Variants in IL23R observed in about 807,000 individuals in gnomAD.
IL23R encodes the protein interleukin 23 receptor.
A neutral mutation model predicts 56.9 loss-of-function variants in IL23R; 34 were observed. The ratio of observed to expected loss-of-function variants is 0.60; its 90% confidence interval spans 0.45 to 0.80. The LOEUF is 0.80. IL23R is among the 30% of genes least tolerant of loss of function. The pLI is 0.00. For missense variants in IL23R, 635 were observed against 730.0 expected (o/e 0.87, Z 1.50); for synonymous variants, 230 against 249.2 (o/e 0.92, Z 0.73).
intron 1 of IL23R, among the ~76,000 whole-genome samples, chr1:67,145,085 C>T (rs1646667896): frequency 6.6e-6 from 1 of 152,196 alleles, no homozygotes; most frequent in South Asian, 2.1e-4. Flanking sequence ...TGGCTCACAC[C>T]TATAATCCCA....
chr1:67,236,562 C>G, intron 7 of IL23R, 151 bp from the exon 8 acceptor site: 1 of 654,112 alleles, frequency 1.5e-6, no homozygotes, highest in Non-Finnish European at 2.8e-6. Flanking sequence ...GACACATACT[C>G]GAAGACTATT....
intron 9 of IL23R, among the ~76,000 whole-genome samples, chr1:67,242,318 A>G (rs1457882007): frequency 6.6e-6 from 1 of 152,226 alleles, no homozygotes; most frequent in African/African-American, 2.4e-5. Flanking sequence ...TCAAAGTATA[A>G]CATTATCCAT....
At chr1:67,227,940 ATCTTTCTTTCTTTCTTTCTT>A (rs746969384) in intron 7 of IL23R, among the ~76,000 whole-genome samples, 669 of 37,356 alleles carry the variant, frequency 0.018, 33 homozygotes, top group Non-Finnish European at 0.029. Flanking sequence ...CAGAACAAAG[ATCTTTCTTTCTTTCTTTCTT>A]TCTTTCTTTC....
At chr1:67,168,904 A>G (rs1185236911) in intron 2 of IL23R, among the ~76,000 whole-genome samples, 2 of 152,150 alleles carry the variant, frequency 1.3e-5, no homozygotes, top group Non-Finnish European at 2.9e-5. Flanking sequence ...TAATGCCTGT[A>G]ATCCCAGCAC....
At chr1:67,181,250 C>G (rs1647137335) in intron 3 of IL23R, among the ~76,000 whole-genome samples, 1 of 152,188 alleles carries the variant, frequency 6.6e-6, no homozygotes, top group Non-Finnish European at 1.5e-5. Flanking sequence ...TTCCATTCTC[C>G]CTGTCACTTT....
chr1:67,228,603 A>G (rs1233273057), intron 7 of IL23R, among the ~76,000 whole-genome samples: 1 of 152,118 alleles, frequency 6.6e-6, no homozygotes, highest in African/African-American at 2.4e-5. Flanking sequence ...TGAATTTATT[A>G]TCTTATAGTT....
At chr1:67,196,419 G>A (rs944110450) in intron 4 of IL23R, among the ~76,000 whole-genome samples, 12 of 152,090 alleles carry the variant, frequency 7.9e-5, no homozygotes, top group Non-Finnish European at 1.5e-4. Context: ...ACATGCCTGC[G>A]ATCCCAGCTA....
chr1:67,213,399 A>G (rs188458213), intron 6 of IL23R, among the ~76,000 whole-genome samples: 34 of 152,270 alleles, frequency 2.2e-4, no homozygotes, highest in Non-Finnish European at 4.6e-4. Flanking sequence ...AAGGAATCCA[A>G]CTGAAAGTCA....
chr1:67,240,180 C>A lies in IL23R; in HGVS notation c.1047C>A (p.Asp349Glu). ...ASISTGHLTS[D>E]NRGDIGLLLG... is the part of the protein sequence containing the mutation. The stretch of plus-strand genomic sequence containing the variant: ...ATTATTTTTCTTTCCTTTCATTAGA[C>A]AACAGAGGAGACATTGGACTTTTAT... The change falls in exon 9 of 11, where the codon GAC becomes GAA. Residue 349 changes from aspartate (D) to glutamate (E), a missense_variant and splice_region_variant. Transcript: ENST00000347310. 1 of 1,592,562 alleles carries A rather than the reference C, an allele frequency of 6.3e-7. No individual in the cohort carries two copies. Among genetic ancestry groups the A allele is most frequent in the Non-Finnish European group, 8.6e-7 (1 of 1,160,612 alleles).
At chr1:67,149,160 T>C (rs1478073862) in intron 1 of IL23R, among the ~76,000 whole-genome samples, 3 of 152,188 alleles carry the variant, frequency 2.0e-5, no homozygotes, top group Admixed American at 6.5e-5. Context: ...AGATCCTCTT[T>C]CCTGTCATCA....
At chr1:67,255,780 T>A in intron 9 of IL23R, 57 bp from the exon 10 acceptor site, 1 of 886,632 alleles carries the variant, frequency 1.1e-6, no homozygotes, top group Non-Finnish European at 1.9e-6. Context: ...TCTAGTTGAC[T>A]TCCTAATCTC....
chr1:67,204,640 C>G (rs182731405), intron 5 of IL23R, among the ~76,000 whole-genome samples: 2 of 151,990 alleles, frequency 1.3e-5, no homozygotes, highest in South Asian at 2.1e-4. Flanking sequence ...GTGGCCAAGC[C>G]GAACTCAGAG....
At chr1:67,244,452 T>C (rs1022940895) in intron 9 of IL23R, among the ~76,000 whole-genome samples, 2 of 152,136 alleles carry the variant, frequency 1.3e-5, no homozygotes, top group African/African-American at 2.4e-5. Flanking sequence ...TTAGGTCTTA[T>C]GTTTAAGTAT....
chr1:67,165,208 C>CAAAACA (rs765808747), upstream of IL23R, among the ~76,000 whole-genome samples: 24 of 151,748 alleles, frequency 1.6e-4, no homozygotes, highest in Non-Finnish European at 2.4e-4. Context: ...GACTCTGTCT[C>CAAAACA]AAAACAAAAA....
At chr1:67,234,375 T>A (rs2100302035) in intron 7 of IL23R, among the ~76,000 whole-genome samples, 1 of 152,324 alleles carries the variant, frequency 6.6e-6, no homozygotes, top group African/African-American at 2.4e-5. Context: ...CCTGTTTGAT[T>A]TGGAACTATG....
At chr1:67,207,619 A>C (rs1463598974) in intron 6 of IL23R, 2 of 388,048 alleles carry the variant, frequency 5.2e-6, no homozygotes, top group Non-Finnish European at 1.0e-5. Context: ...CTTCTTCCTC[A>C]TTTTCTCTTG....
chr1:67,264,217 G>A (rs905570197), downstream of IL23R, among the ~76,000 whole-genome samples: 7 of 152,192 alleles, frequency 4.6e-5, no homozygotes, highest in African/African-American at 1.7e-4. Flanking sequence ...GCTAATAGAG[G>A]CAGTTCTATT....
At chr1:67,228,363 CTT>C (rs78083258) in intron 7 of IL23R, among the ~76,000 whole-genome samples, 31,661 of 105,672 alleles carry the variant, frequency 0.3, 4,430 homozygotes, top group African/African-American at 0.37. Flanking sequence ...TTTTTTCTTC[CTT>C]TTTTTTTTTT....
rs776442535 is a variant in IL23R, at chr1:67,258,921, T to A, written c.1683T>A (p.Pro561=). The A allele has an allele frequency of 5.0e-6, 8 of 1,614,110 alleles. No homozygotes were observed. In the East Asian group the frequency reaches 1.8e-4, roughly 36 times the overall value. The change falls in exon 11 of 11, where the codon CCT becomes CCA. Residue 561 remains proline (P), a synonymous_variant. Coordinates refer to ENST00000347310, the MANE Select transcript of IL23R (RefSeq NM_144701.3). ...TAAATCAAGGAGAATGCAGTTCTCCTGACATACAAAACTCAGTAGAGGAGG... is the reference window on the plus strand; with the variant it reads ...TAAATCAAGGAGAATGCAGTTCTCCAGACATACAAAACTCAGTAGAGGAGG... ...LILNQGECSS[P]DIQNSVEEET...
Sources: gnomAD v4.1 joint callset for allele counts (sites outside exome capture counted in the v4.1 genomes callset) on GRCh38, gnomAD v4.1.1 for gene constraint, MANE v1.5 for transcripts, NCBI Gene and HGNC (gene_info 2026-07-23, HGNC 2026-07-21) for gene names.